The following RORB variants were observed in gnomAD, a reference collection of about 807,000 sequenced individuals.
RORB encodes RAR related orphan receptor B.
A neutral mutation model predicts 59.1 loss-of-function variants in RORB; 6 were observed. That is an observed-to-expected ratio of 0.10 (90% confidence interval 0.06 to 0.20). The LOEUF is 0.20. Ranked by LOEUF, RORB falls within the 10% of genes least tolerant of loss-of-function variation. RORB has a pLI of 1.00. For synonymous variants in RORB, 215 were observed against 204.5 expected (o/e 1.05, Z -0.44); for missense variants, 320 against 560.5 (o/e 0.57, Z 4.33).
intron 6 of RORB, 32 bp downstream of exon 6, chr9:74,662,638 C>T: frequency 6.2e-7 from 1 of 1,608,562 alleles, no homozygotes; most frequent in Non-Finnish European, 8.5e-7. Flanking sequence ...AGGCCTATTT[C>T]AGATAAGGAT....
Position 74,630,295 on chromosome 9 carries a change from G to A in RORB, c.21G>A (p.Val7=), listed in dbSNP as rs267602265. MRAQIE[V]IPCKICGDKS... ...TTCTCCTTTCAGCACAAATTGAAGT[G>A]ATACCATGCAAAATTTGTGGCGATA... Residue 7 remains valine, a synonymous_variant, in exon 2 of 10, where the codon GTG becomes GTA. Transcript: ENST00000376896. 1.2e-6 allele frequency: 2 copies of A among 1,613,328 alleles called. No individual in the cohort carries two copies. The highest frequency in any genetic ancestry group is 1.7e-6 in the Non-Finnish European group (2 of 1,179,334).
intron 1 of RORB, among the ~76,000 whole-genome samples, chr9:74,612,161 G>A (rs1228182650): frequency 1.3e-5 from 2 of 152,268 alleles, no homozygotes; most frequent in East Asian, 1.9e-4. Context: ...CTTTGCAAAC[G>A]TGGTGGGAGT....
chr9:74,663,405 G>C (rs1824220919), intron 6 of RORB, among the ~76,000 whole-genome samples: 3 of 152,112 alleles, frequency 2.0e-5, no homozygotes, highest in South Asian at 2.1e-4. Flanking sequence ...GAGAAGTGAA[G>C]AGCTACATTC....
At chr9:74,512,024 T>G (rs1169077099) in intron 1 of RORB, among the ~76,000 whole-genome samples, 1 of 152,038 alleles carries the variant, frequency 6.6e-6, no homozygotes, top group Non-Finnish European at 1.5e-5. Context: ...TTAAAAAAAC[T>G]TTTTCCATCA....
intron 1 of RORB, among the ~76,000 whole-genome samples, chr9:74,618,131 G>GCA (rs1191250994): frequency 3.3e-5 from 5 of 151,074 alleles, no homozygotes; most frequent in Admixed American, 1.3e-4. Flanking sequence ...ACACACAGAC[G>GCA]CACACACACA....
chr9:74,594,451 G>A (rs1306833950), intron 1 of RORB, among the ~76,000 whole-genome samples: 1 of 151,904 alleles, frequency 6.6e-6, no homozygotes, highest in African/African-American at 2.4e-5. Context: ...TCAAAACTGG[G>A]GCTATCTGCA....
At position 74,667,867 on chromosome 9, in the gene RORB, C is replaced by G; in HGVS notation, c.1077C>G (p.Ile359Met). The change falls in exon 8 of 10, where the codon ATC becomes ATG. Residue 359 changes from isoleucine to methionine, a missense_variant. Around this residue, in one of 4 missense-constraint regions of RORB, gnomAD observed 109 missense variants for 171.0 expected, o/e 0.64. Transcript: ENST00000376896. Reference sequence around the variant, plus strand: ...CCTTGCAGCTGACCGAGGAGGAGATCGCTTTGTTCTCATCTGCTGTTCTGA... The same window carrying G: ...CCTTGCAGCTGACCGAGGAGGAGATGGCTTTGTTCTCATCTGCTGTTCTGA... ...LCSLQLTEEE[I>M]ALFSSAVLIS... 4 of 1,612,994 alleles carry G rather than the reference C, an allele frequency of 2.5e-6. No individual in the cohort carries two copies. Among genetic ancestry groups the G allele is most frequent in the Non-Finnish European group, 3.4e-6 (4 of 1,179,062 alleles).
At chr9:74,505,640 G>GT (rs1205319526) in intron 1 of RORB, among the ~76,000 whole-genome samples, 1 of 152,050 alleles carries the variant, frequency 6.6e-6, no homozygotes, top group Non-Finnish European at 1.5e-5. Flanking sequence ...GGGAAGTGAT[G>GT]TTTGAGATGG....
chr9:74,527,760 G>A (rs767665138), intron 1 of RORB, among the ~76,000 whole-genome samples: 3 of 152,032 alleles, frequency 2.0e-5, no homozygotes, highest in Non-Finnish European at 4.4e-5. Context: ...GAGTTTAGGA[G>A]TTGTCCCTTC....
chr9:74,625,327 A>T (rs978452446), intron 1 of RORB, among the ~76,000 whole-genome samples: 10 of 146,220 alleles, frequency 6.8e-5, no homozygotes, highest in African/African-American at 2.6e-4. Context: ...AAATATGAAA[A>T]ATCAGACCCA....
intron 1 of RORB, among the ~76,000 whole-genome samples, chr9:74,622,194 C>T (rs1196021280): frequency 6.6e-6 from 1 of 151,978 alleles, no homozygotes; most frequent in Non-Finnish European, 1.5e-5. Flanking sequence ...TGTGTAATCA[C>T]GAGCTTCCTG....
rs756428319 is a variant in RORB at position 74,634,666 on chromosome 9, T to C, written c.129T>C (p.Ser43=). The C allele has an allele frequency of 1.3e-5, 21 of 1,613,158 alleles. No homozygotes were observed. Among genetic ancestry groups the C allele is most frequent in the Non-Finnish European group, 1.8e-5 (21 of 1,179,568 alleles). The part of the protein sequence containing the change: ...FFRRSQQNNA[S]YSCPRQRNCL... Reference sequence around the variant, plus strand: ...GGAGGAGCCAGCAGAACAATGCTTCTTATTCCTGCCCAAGGCAGAGAAACT... The same window carrying C: ...GGAGGAGCCAGCAGAACAATGCTTCCTATTCCTGCCCAAGGCAGAGAAACT... Residue 43 remains serine, a synonymous_variant, in exon 3 of 10, where the codon TCT becomes TCC. Coordinates refer to ENST00000376896, the MANE Select transcript of RORB (RefSeq NM_006914.4).
At chr9:74,583,090 A>G (rs531318976) in intron 1 of RORB, among the ~76,000 whole-genome samples, 5 of 152,230 alleles carry the variant, frequency 3.3e-5, no homozygotes, top group African/African-American at 1.2e-4. Context: ...TGGGGAATGC[A>G]TATGTTGCTC....
rs1824702784 is a variant in RORB, at chr9:74,689,481, T to G, written c.*3863T>G. 6.6e-6 allele frequency: 1 copy of G among 152,198 alleles called. No individual in the cohort carries two copies. Among genetic ancestry groups the G allele is most frequent in the Admixed American group, 6.5e-5 (1 of 15,268 alleles). The allele number at this position is 152,198 out of a possible 1,614,324, so 9.4% of individuals were successfully genotyped here. ...TCCACAAACATACCCTTTCTGAATT[T>G]CCCTTGTTTTAGCACTGTGTTCAGG... On this transcript the variant is annotated 3_prime_UTR_variant, in exon 10 of 10. Coordinates refer to ENST00000376896, the MANE Select transcript of RORB (RefSeq NM_006914.4).
chr9:74,654,029 G>A (rs1824038676), intron 4 of RORB, among the ~76,000 whole-genome samples: 1 of 152,102 alleles, frequency 6.6e-6, no homozygotes, highest in Non-Finnish European at 1.5e-5. Context: ...ATAGAATTAG[G>A]TAATTTGGAT....
chr9:74,596,593 AT>A (rs1822974375), intron 1 of RORB, among the ~76,000 whole-genome samples: 1 of 152,124 alleles, frequency 6.6e-6, no homozygotes, highest in African/African-American at 2.4e-5. Flanking sequence ...CAGTGAGTCC[AT>A]TTTTTTCTCC....
chr9:74,633,874 T>C (rs1823658280), intron 2 of RORB, among the ~76,000 whole-genome samples: 1 of 152,036 alleles, frequency 6.6e-6, no homozygotes, highest in South Asian at 2.1e-4. Flanking sequence ...ATATATAATA[T>C]TTTCTTTTTT....
chr9:74,532,364 C>A (rs1323376360), intron 1 of RORB, among the ~76,000 whole-genome samples: 1 of 151,906 alleles, frequency 6.6e-6, no homozygotes, highest in Non-Finnish European at 1.5e-5. Context: ...CCTTCCCACT[C>A]TCCTTCACTC....
chr9:74,654,922 T>C (rs999756471), intron 4 of RORB, among the ~76,000 whole-genome samples: 2 of 152,214 alleles, frequency 1.3e-5, no homozygotes, highest in African/African-American at 4.8e-5. Flanking sequence ...TAGCAAGTGA[T>C]TGTTCATGAA....
Sources: gnomAD v4.1 joint callset for allele counts (sites outside exome capture counted in the v4.1 genomes callset) on GRCh38, gnomAD v4.1.1 for gene constraint, gnomAD v4.1.1 regional missense constraint, MANE v1.5 for transcripts, NCBI Gene and HGNC (gene_info 2026-07-23, HGNC 2026-07-21) for gene names.